CNTNAP2: variants seen among roughly 807,000 people sequenced by gnomAD.
The protein encoded by CNTNAP2 is contactin-associated protein-like 2.
A neutral mutation model predicts 155.2 loss-of-function variants in CNTNAP2; 98 were observed. The observed-to-expected ratio is 0.63, with a 90% confidence interval of 0.54 to 0.75. CNTNAP2 has a LOEUF of 0.75. Ranked by LOEUF, CNTNAP2 falls within the 30% of genes least tolerant of loss-of-function variation. The probability of loss-of-function intolerance (pLI) is 0.00; values close to 1 mark genes in which losing one functional copy is unlikely to be tolerated. For synonymous variants in CNTNAP2, 651 were observed against 631.2 expected, an observed-to-expected ratio of 1.03 and a Z score of -0.47; for missense variants, 1,727 against 1,688.1, an observed-to-expected ratio of 1.02 and a Z score of -0.40.
intron 13 of CNTNAP2, among the ~76,000 whole-genome samples, chr7:147,890,932 A>G (rs1799679185): frequency 6.6e-6 from 1 of 152,216 alleles, no homozygotes; most frequent in Non-Finnish European, 1.5e-5. Context: ...AATATTGCTG[A>G]GAGTACACAA....
rs780896139 is a variant in CNTNAP2, at chr7:147,233,877, A to G, written c.1349-66264A>G. Among the ~76,000 whole-genome samples the G allele has an allele frequency of 3.3e-5, 5 of 152,054 alleles. No homozygotes were observed. In the East Asian group the frequency reaches 7.7e-4, roughly 23 times the overall value. Reference sequence around the variant, plus strand: ...TATCAGTCTTGATCATATTATTTCCATGACAGTAATTATTTGCTATATTCA... The same window carrying G: ...TATCAGTCTTGATCATATTATTTCCGTGACAGTAATTATTTGCTATATTCA... On this transcript the variant is annotated intron_variant, in intron 8 of 23. Coordinates refer to ENST00000361727, the MANE Select transcript of CNTNAP2 (RefSeq NM_014141.6).
chr7:146,830,546 G>C (rs1436367407), intron 2 of CNTNAP2, among the ~76,000 whole-genome samples: 1 of 151,994 alleles, frequency 6.6e-6, no homozygotes, highest in Non-Finnish European at 1.5e-5. Flanking sequence ...ATTCTACTTA[G>C]ATGTCATAAT....
At chr7:147,262,754 C>A (rs1178729457) in intron 8 of CNTNAP2, among the ~76,000 whole-genome samples, 4 of 152,034 alleles carry the variant, frequency 2.6e-5, no homozygotes, top group Non-Finnish European at 5.9e-5. Context: ...TGCAGTGAGC[C>A]GAGATCGCGC....
chr7:147,850,995 A>G (rs948514842), intron 13 of CNTNAP2, among the ~76,000 whole-genome samples: 1 of 152,204 alleles, frequency 6.6e-6, no homozygotes, highest in African/African-American at 2.4e-5. Flanking sequence ...AACCTACAGA[A>G]TGGGAAAAAA....
At chr7:146,452,271 T>A in intron 1 of CNTNAP2, among the ~76,000 whole-genome samples, 1 of 152,262 alleles carries the variant, frequency 6.6e-6, no homozygotes, top group Middle Eastern at 3.4e-3. Flanking sequence ...TGTTTTATTA[T>A]TATTTGTGTA....
chr7:146,122,091 A>G (rs529474056), intron 1 of CNTNAP2, among the ~76,000 whole-genome samples: 2 of 152,160 alleles, frequency 1.3e-5, no homozygotes, highest in Non-Finnish European at 2.9e-5. Flanking sequence ...CTTAGAGTCT[A>G]TGTCTACAGT....
chr7:146,943,542 A>AGTACT (rs369465402), intron 3 of CNTNAP2, among the ~76,000 whole-genome samples: 38 of 152,348 alleles, frequency 2.5e-4, no homozygotes, highest in African/African-American at 9.1e-4. Flanking sequence ...ATACATTTAC[A>AGTACT]GTACTGTACT....
intron 12 of CNTNAP2, among the ~76,000 whole-genome samples, chr7:147,604,350 C>G (rs537892680): frequency 6.6e-6 from 1 of 152,110 alleles, no homozygotes. Context: ...TATCCAGAAT[C>G]TACAAAGAAC....
intron 5 of CNTNAP2, among the ~76,000 whole-genome samples, chr7:147,117,379 C>A (rs1801012037): frequency 6.6e-6 from 1 of 152,108 alleles, no homozygotes; most frequent in African/African-American, 2.4e-5. Context: ...CACTGCTTCC[C>A]TTGGCAGGGG....
At chr7:147,848,202 GC>G (rs1253469981) in intron 13 of CNTNAP2, among the ~76,000 whole-genome samples, 1 of 143,524 alleles carries the variant, frequency 7.0e-6, no homozygotes, top group Admixed American at 7.4e-5. Context: ...CAGCCTCGTT[GC>G]CGCCTTGCAG....
chr7:146,617,926 G>A (rs1585009024), intron 1 of CNTNAP2, among the ~76,000 whole-genome samples: 3 of 152,034 alleles, frequency 2.0e-5, no homozygotes, highest in East Asian at 1.9e-4. Flanking sequence ...CAATTCATAT[G>A]TATATGCCTG....
intron 10 of CNTNAP2, among the ~76,000 whole-genome samples, chr7:147,470,655 A>G (rs980478908): frequency 2.6e-5 from 4 of 152,168 alleles, no homozygotes; most frequent in Non-Finnish European, 5.9e-5. Context: ...GTCCAAGATC[A>G]TTTCTGCCTG....
chr7:148,359,279 A>G (rs7804069), intron 21 of CNTNAP2, among the ~76,000 whole-genome samples: 2,955 of 152,338 alleles, frequency 0.019, 93 homozygotes, highest in African/African-American at 0.068. Context: ...GACTCATTTC[A>G]CAGAGTGTAT....
In CNTNAP2 at chr7:147,326,167, G is replaced by T. The variant is rs2692135; in HGVS notation, c.1498+25877G>T. Among the ~76,000 whole-genome samples, 5 of 152,266 alleles carry T rather than the reference G, an allele frequency of 3.3e-5. No individual in the cohort carries two copies. The East Asian group carries it at 5.8e-4, about 18-fold the overall frequency. ...TCTCGATCTCCTGACCTGGTGATCC[G>T]CCCGCCTTGGCCTCCCAAAGTGCTG... On this transcript the variant is annotated intron_variant, in intron 9 of 23. Transcript: ENST00000361727.
chr7:146,983,451 G>A (rs1798056940), intron 3 of CNTNAP2, among the ~76,000 whole-genome samples: 1 of 152,036 alleles, frequency 6.6e-6, no homozygotes, highest in Admixed American at 6.6e-5. Flanking sequence ...CCAAACAAAA[G>A]GCAATTATTG....
intron 3 of CNTNAP2, among the ~76,000 whole-genome samples, chr7:146,903,706 T>G (rs1410759214): frequency 2.0e-5 from 3 of 152,170 alleles, no homozygotes; most frequent in African/African-American, 7.2e-5. Flanking sequence ...ACCAGAGGCC[T>G]GCAGAGAGAG....
At chr7:147,435,232 G>T (rs1369181978) in intron 10 of CNTNAP2, among the ~76,000 whole-genome samples, 5 of 152,142 alleles carry the variant, frequency 3.3e-5, no homozygotes, top group Non-Finnish European at 7.4e-5. Flanking sequence ...AGAGCCCACT[G>T]CAGGTTGGAA....
At chr7:146,969,119 T>A (rs1320957977) in intron 3 of CNTNAP2, among the ~76,000 whole-genome samples, 1 of 150,818 alleles carries the variant, frequency 6.6e-6, no homozygotes, top group African/African-American at 2.4e-5. Flanking sequence ...AGTTGAGCGG[T>A]TTTGAGTGAG....
At chr7:146,821,263 T>C (rs1183466662) in intron 2 of CNTNAP2, among the ~76,000 whole-genome samples, 1 of 152,208 alleles carries the variant, frequency 6.6e-6, no homozygotes, top group Non-Finnish European at 1.5e-5. Flanking sequence ...CTAGCCTTGA[T>C]GGTCTTTACA....
Sources: allele counts gnomAD v4.1 joint callset (sites outside exome capture counted in the v4.1 genomes callset), GRCh38; gene constraint gnomAD v4.1.1; transcripts MANE v1.5; gene names NCBI Gene and HGNC (gene_info 2026-07-23, HGNC 2026-07-21).